The following NHLRC3 variants were observed in gnomAD, a reference collection of about 807,000 sequenced individuals.
NHLRC3 encodes the protein NHL repeat-containing protein 3.
In NHLRC3, 23 loss-of-function variants were observed where a neutral mutation model predicts 32.0. The observed-to-expected ratio is 0.72, with a 90% CI of 0.52 to 1.02. NHLRC3 has a LOEUF of 1.02. Ranked by LOEUF, NHLRC3 falls within the 50% of genes least tolerant of loss-of-function variation. The pLI is 0.00. For missense variants in NHLRC3, 407 were observed against 406.8 expected (o/e 1.00, Z -0.01); for synonymous variants, 159 against 147.9 (o/e 1.08, Z -0.55).
rs375313442 is a variant in NHLRC3 at position 39,049,686 on chromosome 13, G to A, written c.*1760G>A. On this transcript the variant is annotated 3_prime_UTR_variant, in exon 7 of 7. Transcript: ENST00000379600. ...TTGGATAAAAGAAAGTAATTTCAGG[G>A]TTTGTTTTTAAGCCAGGACAAGAAG... is the stretch of plus-strand genomic sequence containing the variant. The A allele has an allele frequency of 8.5e-5, 13 of 152,294 alleles. No individual in the cohort carries two copies. In the South Asian group the frequency reaches 2.7e-3, roughly 32 times the overall value. The allele number at this position is 152,294 out of a possible 1,614,324, so 9.4% of individuals were successfully genotyped here. A position where few individuals can be genotyped will look rare whatever the true frequency, so the allele number is the denominator to read the frequency against.
rs138188313 is a variant in NHLRC3, at chr13:39,038,468, C to T, written c.-172C>T. 1.7e-5 allele frequency: 11 copies of T among 635,712 alleles called. No individual in the cohort carries two copies. In the East Asian group the frequency reaches 2.9e-4, roughly 17 times the overall value. The allele number at this position is 635,712 out of a possible 1,614,324, so 39.4% of individuals were successfully genotyped here. On this transcript the variant is annotated 5_prime_UTR_variant, in exon 1 of 7. Coordinates refer to ENST00000379600, the MANE Select transcript of NHLRC3 (RefSeq NM_001012754.4). The stretch of plus-strand genomic sequence containing the variant: ...TTCTGTGATTTTCATTCGCCCTGGT[C>T]TCTGTTCCCTTTCGTACTCAAAGCT...
chr13:39,038,539 G>T lies in NHLRC3; in HGVS notation c.-101G>T. 2.0e-6 allele frequency: 2 copies of T among 978,586 alleles called. No individual in the cohort carries two copies. Among genetic ancestry groups the T allele is most frequent in the African/African-American group, 1.6e-5 (1 of 62,404 alleles). 60.6% of individuals were successfully genotyped at this position (978,586 alleles called of 1,614,324 possible). On this transcript the variant is annotated 5_prime_UTR_variant, in exon 1 of 7. Coordinates refer to ENST00000379600, the MANE Select transcript of NHLRC3 (RefSeq NM_001012754.4). ...ACCGGAGATAGGGTCTTCGGGCCCCGGGCAGACCCTCTGTGCCGCTGCAAA... is the reference window on the plus strand; with the variant it reads ...ACCGGAGATAGGGTCTTCGGGCCCCTGGCAGACCCTCTGTGCCGCTGCAAA...
rs370553701 is a variant in NHLRC3, at chr13:39,044,229, TTGTGTGTG to T, written c.678+80_678+87del. 1,636 of 858,584 alleles carry T rather than the reference TTGTGTGTG, an allele frequency of 1.9e-3. 1 individual carries two copies. The highest frequency in any genetic ancestry group is 2.9e-3 in the Middle Eastern group (12 of 4,126). The allele number at this position is 858,584 out of a possible 1,614,324, so 53.2% of individuals were successfully genotyped here. Reference sequence around the variant, plus strand: ...TCTGGGACTTTGTGTCTGAATATGTTTGTGTGTGTGTGTGTGTGTGTGTGTGTGTGTGT... The same window carrying T: ...TCTGGGACTTTGTGTCTGAATATGTTTGTGTGTGTGTGTGTGTGTGTGTGT... On this transcript the variant is annotated intron_variant, in intron 5 of 6. Coordinates refer to ENST00000379600, the MANE Select transcript of NHLRC3 (RefSeq NM_001012754.4).
At chr13:39,045,440 A>G (rs956456446) in intron 5 of NHLRC3, among the ~76,000 whole-genome samples, 2 of 152,232 alleles carry the variant, frequency 1.3e-5, no homozygotes, top group African/African-American at 2.4e-5. Flanking sequence ...CCTGAGTGAT[A>G]AAGAGTGTCA....
chr13:39,046,866 G>A (rs1196104155), intron 5 of NHLRC3, among the ~76,000 whole-genome samples, 174 bp from the exon 6 acceptor site: 2 of 152,210 alleles, frequency 1.3e-5, no homozygotes, highest in Non-Finnish European at 2.9e-5. Flanking sequence ...TCACTTCAGA[G>A]ACGGCAACCT....
intron 5 of NHLRC3, 84 bp downstream of exon 5, chr13:39,044,265 G>A: frequency 2.2e-6 from 2 of 908,608 alleles, no homozygotes; most frequent in South Asian, 1.4e-5. Context: ...GTGTGTGTGT[G>A]TGTCTGGGCA....
Position 39,047,170 on chromosome 13 carries a change from T to C in NHLRC3, c.791+18T>C. ...TCAGTCAGGTAATTGTTTCATTTTA[T>C]TGCAAAATGCTTGTTTTAGTTAGTG... On this transcript the variant is annotated intron_variant, in intron 6 of 6. Transcript: ENST00000379600. 1 of 1,421,588 alleles carries C rather than the reference T, an allele frequency of 7.0e-7. No homozygotes were observed. Among genetic ancestry groups the C allele is most frequent in the Non-Finnish European group, 9.9e-7 (1 of 1,011,556 alleles). 88.1% of individuals were successfully genotyped at this position (1,421,588 alleles called of 1,614,324 possible).
intron 4 of NHLRC3, 76 bp from the exon 5 acceptor site, chr13:39,044,013 TA>T: frequency 9.6e-7 from 1 of 1,040,168 alleles, no homozygotes; most frequent in Non-Finnish European, 1.5e-6. Flanking sequence ...TAGTTCTTTG[TA>T]ACCTGTTTCA....
At chr13:39,039,067 G>GCCCCCC in intron 1 of NHLRC3, 69 bp from the exon 2 acceptor site, 1 of 629,256 alleles carries the variant, frequency 1.6e-6, no homozygotes, top group Non-Finnish European at 2.9e-6. Flanking sequence ...CTGTTACCCG[G>GCCCCCC]CCCCCCCGCC....
intron 3 of NHLRC3, 26 bp from the exon 4 acceptor site, chr13:39,042,079 T>G: frequency 2.6e-5 from 35 of 1,325,448 alleles, no homozygotes; most frequent in Non-Finnish European, 3.2e-5. Flanking sequence ...GTTTTATTTG[T>G]GAGATGTACA....
At chr13:39,042,361 C>A in intron 4 of NHLRC3, 56 bp downstream of exon 4, 2 of 1,084,656 alleles carry the variant, frequency 1.8e-6, no homozygotes, top group South Asian at 1.5e-5. Flanking sequence ...TTAATTTGTT[C>A]GATATTTGGT....
chr13:39,047,541 ATTC>A (rs1322127444), intron 6 of NHLRC3, 130 bp from the exon 7 acceptor site: 3 of 654,822 alleles, frequency 4.6e-6, no homozygotes, highest in Admixed American at 3.0e-5. Context: ...TCAAATTAAA[ATTC>A]TTCTTAAAAG....
At chr13:39,043,756 A>G (rs1871552234) in intron 4 of NHLRC3, among the ~76,000 whole-genome samples, 1 of 152,186 alleles carries the variant, frequency 6.6e-6, no homozygotes, top group Non-Finnish European at 1.5e-5. Context: ...GGTCTGTGGA[A>G]TACTAATATC....
At chr13:39,040,199 A>G (rs910879339) in intron 3 of NHLRC3, 1 of 151,888 alleles carries the variant, frequency 6.6e-6, no homozygotes, top group Non-Finnish European at 1.5e-5. Flanking sequence ...AAAAAAAAAA[A>G]AAAAAGAAAG....
At chr13:39,040,307 T>C (rs777777610) in intron 3 of NHLRC3, 1 of 152,180 alleles carries the variant, frequency 6.6e-6, no homozygotes, top group Non-Finnish European at 1.5e-5. Flanking sequence ...ATTAAATAAC[T>C]CTAAACTGAA....
intron 2 of NHLRC3, 132 bp from the exon 3 acceptor site, chr13:39,039,432 A>C (rs760257483): frequency 1.2e-5 from 13 of 1,112,302 alleles, no homozygotes; most frequent in African/African-American, 3.2e-5. Context: ...TTTGGTTTCG[A>C]ATGTGAAAGA....
At chr13:39,046,210 C>T (rs956061286) in intron 5 of NHLRC3, among the ~76,000 whole-genome samples, 4 of 152,004 alleles carry the variant, frequency 2.6e-5, no homozygotes, top group African/African-American at 7.3e-5. Flanking sequence ...CTCAGCTACT[C>T]GGAGAGGCTG....
At position 39,038,731 on chromosome 13, in the gene NHLRC3, G is replaced by A. The variant is rs746158340; in HGVS notation, c.84+8G>A. ...CGTTTTTGTGGCTCTCCAGTGAGTT[G>A]GGTAGTGAGGAAATGACTGTCGGGT... On this transcript the variant is annotated splice_region_variant and intron_variant, in intron 1 of 6. Transcript: ENST00000379600. 2 of 1,609,872 alleles carry A rather than the reference G, an allele frequency of 1.2e-6. No homozygotes were observed. Among genetic ancestry groups the A allele is most frequent in the East Asian group, 2.2e-5 (1 of 44,864 alleles).
chr13:39,040,979 T>C (rs1489983327), intron 3 of NHLRC3: 17 of 152,348 alleles, frequency 1.1e-4, no homozygotes, highest in Middle Eastern at 3.4e-3. Context: ...ACTTTTTTCC[T>C]GAAGATCCAC....
Sources: gnomAD v4.1 joint callset for allele counts (sites outside exome capture counted in the v4.1 genomes callset) on GRCh38, gnomAD v4.1.1 for gene constraint, MANE v1.5 for transcripts, NCBI Gene and HGNC (gene_info 2026-07-23, HGNC 2026-07-21) for gene names.